The following GAREM1 variants were observed in gnomAD, a reference collection of about 807,000 sequenced individuals.
The protein encoded by GAREM1 is GRB2 associated regulator of MAPK1 subtype 1, also known as GRB2-associated and regulator of MAPK protein 1.
In GAREM1, 26 loss-of-function variants were observed where a neutral mutation model predicts 71.3. The observed-to-expected ratio is 0.36, with a 90% CI of 0.27 to 0.51. The LOEUF is 0.51. Among genes scored for constraint, GAREM1 ranks in the 20% least tolerant of loss-of-function variants. The pLI is 0.95. For synonymous variants in GAREM1, 440 were observed against 433.2 expected (o/e 1.02, Z -0.20); for missense variants, 1,026 against 1,103.1 (o/e 0.93, Z 0.99).
chr18:32,270,089 G>T, intron 5 of GAREM1, 128 bp downstream of exon 5: 1 of 1,002,126 alleles, frequency 1.0e-6, no homozygotes, highest in Non-Finnish European at 1.5e-6. Context: ...AAATTATTTA[G>T]AAAATTAAAA....
At chr18:32,452,608 A>G (rs1203495358) in intron 1 of GAREM1, among the ~76,000 whole-genome samples, 1 of 152,210 alleles carries the variant, frequency 6.6e-6, no homozygotes, top group Non-Finnish European at 1.5e-5. Context: ...TAATTGTCTA[A>G]GCACCTACCT....
Position 32,363,995 on chromosome 18 carries a change from CATATATATATAT to C in GAREM1, c.262+28888_262+28899del, listed in dbSNP as rs766095412. On this transcript the variant is annotated intron_variant, in intron 2 of 5. Transcript: ENST00000269209. ...ACACAAATACATAAATACATATATA[CATATATATATAT>C]ATATATATATATATATATATGTTTT... 8.7e-3 allele frequency among the ~76,000 whole-genome samples: 186 copies of C among 21,340 alleles called. 7 individuals carry two copies. Among genetic ancestry groups the C allele is most frequent in the South Asian group, 0.017 (6 of 352 alleles). 14.0% of individuals were successfully genotyped at this position (21,340 alleles called of 152,430 possible).
At chr18:32,453,129 C>T (rs889402382) in intron 1 of GAREM1, among the ~76,000 whole-genome samples, 1 of 151,990 alleles carries the variant, frequency 6.6e-6, no homozygotes, top group Non-Finnish European at 1.5e-5. Flanking sequence ...GCACGTCTTA[C>T]GCGGCCGCAG....
intron 2 of GAREM1, among the ~76,000 whole-genome samples, chr18:32,332,337 C>T (rs1209986315): frequency 6.6e-6 from 1 of 151,934 alleles, no homozygotes; most frequent in Non-Finnish European, 1.5e-5. Context: ...GTTTACTGCA[C>T]AGAGGCACGC....
chr18:32,398,251 A>G (rs1159637136), intron 1 of GAREM1, among the ~76,000 whole-genome samples: 1 of 152,178 alleles, frequency 6.6e-6, no homozygotes, highest in Non-Finnish European at 1.5e-5. Context: ...CACAACTAAA[A>G]GAACTAGAGA....
In GAREM1 at chr18:32,459,034, G is replaced by A. The variant is rs567155022; in HGVS notation, c.121+11274C>T. ...TCTCGCAACAGTCAAATAAATAATAGTTGACTGGTAATAACAGAATTCCAT... is the reference window on the plus strand; with the variant it reads ...TCTCGCAACAGTCAAATAAATAATAATTGACTGGTAATAACAGAATTCCAT... On this transcript the variant is annotated intron_variant, in intron 1 of 5. Transcript: ENST00000269209. Among the ~76,000 whole-genome samples, 17 of 152,154 alleles carry A rather than the reference G, an allele frequency of 1.1e-4. 1 individual carries two copies. In the South Asian group the frequency reaches 3.5e-3, roughly 32 times the overall value.
In GAREM1 at chr18:32,470,256, C is replaced by G; in HGVS notation, c.121+52G>C. ...TCTCCAGCACACGCGCGCACACCCG[C>G]GTGGAGACGGCTGTCCTCGCCCGTC... is the stretch of plus-strand genomic sequence containing the variant. On this transcript the variant is annotated intron_variant, in intron 1 of 5. Coordinates refer to ENST00000269209, the MANE Select transcript of GAREM1 (RefSeq NM_001242409.2). This position sits in a 1 kb window ranked among gnomAD's most constrained non-coding sequence, Gnocchi z 4.4. The G allele has an allele frequency of 7.0e-7, 1 of 1,420,584 alleles. No individual in the cohort carries two copies. Among genetic ancestry groups the G allele is most frequent in the Non-Finnish European group, 9.3e-7 (1 of 1,078,602 alleles). 88.0% of individuals were successfully genotyped at this position (1,420,584 alleles called of 1,614,324 possible). A position where few individuals can be genotyped will look rare whatever the true frequency, so the allele number is the denominator to read the frequency against.
At chr18:32,278,180 G>A (rs944563956) in intron 4 of GAREM1, among the ~76,000 whole-genome samples, 3 of 152,148 alleles carry the variant, frequency 2.0e-5, no homozygotes, top group African/African-American at 7.2e-5. Flanking sequence ...TTTTCAGATA[G>A]CCTTTTGGGA....
chr18:32,298,825 ATTATG>A (rs960251573), intron 3 of GAREM1, among the ~76,000 whole-genome samples: 29 of 152,230 alleles, frequency 1.9e-4, no homozygotes, highest in Non-Finnish European at 1.2e-4. Flanking sequence ...TTTGATTAGT[ATTATG>A]TTATGTCTTC....
intron 1 of GAREM1, among the ~76,000 whole-genome samples, chr18:32,405,561 T>C (rs773250235): frequency 6.6e-6 from 1 of 152,198 alleles, no homozygotes; most frequent in Non-Finnish European, 1.5e-5. Context: ...ATCAAATAAG[T>C]GTCCTCTTCC....
chr18:32,364,026 A>ATATATATATTTTTTTTTTTTTTTTTT (rs1336753011), intron 2 of GAREM1, among the ~76,000 whole-genome samples: 1 of 46,400 alleles, frequency 2.2e-5, no homozygotes, highest in Admixed American at 2.2e-4. Flanking sequence ...ATATATATAT[A>ATATATATATTTTTTTTTTTTTTTTTT]TGTTTTTTTT....
chr18:32,456,838 C>T (rs1003187144), intron 1 of GAREM1, among the ~76,000 whole-genome samples: 1 of 151,942 alleles, frequency 6.6e-6, no homozygotes, highest in Non-Finnish European at 1.5e-5. Flanking sequence ...TTTCACATCA[C>T]GGAATATTAT....
chr18:32,363,856 G>T (rs1403239628), intron 2 of GAREM1, among the ~76,000 whole-genome samples: 1 of 149,798 alleles, frequency 6.7e-6, no homozygotes, highest in Non-Finnish European at 1.5e-5. Flanking sequence ...TGACTTTAAG[G>T]CTTATTTTGG....
At chr18:32,434,236 T>C (rs544363884) in intron 1 of GAREM1, among the ~76,000 whole-genome samples, 1 of 152,286 alleles carries the variant, frequency 6.6e-6, no homozygotes, top group Non-Finnish European at 1.5e-5. Context: ...GTATCAGAGT[T>C]ATACACTATG....
At chr18:32,352,131 G>C (rs1480225796) in intron 2 of GAREM1, among the ~76,000 whole-genome samples, 1 of 152,138 alleles carries the variant, frequency 6.6e-6, no homozygotes, top group African/African-American at 2.4e-5. Flanking sequence ...ACCATTATCA[G>C]AAAACAGGCA....
At chr18:32,446,880 G>A (rs938299452) in intron 1 of GAREM1, among the ~76,000 whole-genome samples, 3 of 152,126 alleles carry the variant, frequency 2.0e-5, no homozygotes, top group Admixed American at 6.6e-5. Flanking sequence ...AGTGCAGAGT[G>A]GAAACAGAAA....
At chr18:32,361,229 G>A (rs1380716372) in intron 2 of GAREM1, among the ~76,000 whole-genome samples, 1 of 152,054 alleles carries the variant, frequency 6.6e-6, no homozygotes, top group Admixed American at 6.6e-5. Context: ...TGAAATCTTG[G>A]ATTGGCTCCT....
chr18:32,311,349 A>C (rs1236202500), intron 2 of GAREM1, among the ~76,000 whole-genome samples: 1 of 152,216 alleles, frequency 6.6e-6, no homozygotes, highest in Non-Finnish European at 1.5e-5. Context: ...TCATATTCTC[A>C]ACACAATTTT....
chr18:32,402,343 T>C (rs2048322872), intron 1 of GAREM1, among the ~76,000 whole-genome samples: 1 of 152,192 alleles, frequency 6.6e-6, no homozygotes, highest in South Asian at 2.1e-4. Context: ...CATTAAGTCC[T>C]ACCTACCTCT....
Sources: gnomAD v4.1 joint callset for allele counts (sites outside exome capture counted in the v4.1 genomes callset) on GRCh38, gnomAD v4.1.1 for gene constraint, Gnocchi (gnomAD v3.1) non-coding constraint, MANE v1.5 for transcripts, NCBI Gene and HGNC (gene_info 2026-07-23, HGNC 2026-07-21) for gene names.